SNAPC3: variants seen among roughly 807,000 people sequenced by gnomAD.
SNAPC3 encodes small nuclear RNA activating complex polypeptide 3.
Under a neutral mutation model 47.7 loss-of-function variants are expected in SNAPC3, and 56 were observed. The ratio of observed to expected loss-of-function variants is 1.18; its 90% CI spans 0.95 to 1.47. SNAPC3 has a LOEUF of 1.47. Among genes scored for constraint, SNAPC3 ranks in the 40% most tolerant of loss-of-function variants. SNAPC3 has a pLI of 0.00. For missense variants in SNAPC3, 665 were observed against 511.3 expected (o/e 1.30, Z -2.90); for synonymous variants, 235 against 189.9 (o/e 1.24, Z -1.95).
In SNAPC3 at chr9:15,460,479, C is replaced by T. The variant is rs1415317315; in HGVS notation, c.*613C>T. The T allele has an allele frequency of 6.6e-6, 1 of 152,294 alleles. No individual in the cohort carries two copies. Among genetic ancestry groups the T allele is most frequent in the Admixed American group, 6.5e-5 (1 of 15,290 alleles). 9.4% of individuals were successfully genotyped at this position (152,294 alleles called of 1,614,324 possible). A position where few individuals can be genotyped will look rare whatever the true frequency, so the allele number is the denominator to read the frequency against. ...AATCTCAGCTCACTGCAGCCTCCGC[C>T]TCCCGGATTCAAGTGATTCTCCTGC... On this transcript the variant is annotated 3_prime_UTR_variant, in exon 9 of 9. Transcript: ENST00000380821.
At chr9:15,465,420 C>G, downstream of SNAPC3, 1 of 1,087,584 alleles carries the variant, frequency 9.2e-7, no homozygotes, top group Non-Finnish European at 1.3e-6. Flanking sequence ...TTTTCAACAT[C>G]AAACCTATGC....
chr9:15,465,442 T>TAA, downstream of SNAPC3: 1 of 1,287,946 alleles, frequency 7.8e-7, no homozygotes, highest in East Asian at 2.4e-5. Flanking sequence ...TATAAAAATT[T>TAA]AAAACTTTCA....
intron 8 of SNAPC3, 64 bp downstream of exon 8, chr9:15,458,131 T>C (rs2131975614): frequency 1.2e-6 from 1 of 852,454 alleles, no homozygotes; most frequent in Non-Finnish European, 1.8e-6. Context: ...GGTATTTTGT[T>C]TTCCACTTTG....
downstream of SNAPC3, chr9:15,464,521 AACTAGTGTTTGTATTT>A (rs1314171850): frequency 1.5e-5 from 3 of 201,124 alleles, no homozygotes; most frequent in Non-Finnish European, 3.1e-5. Flanking sequence ...ATGCTGGAAC[AACTAGTGTTTGTATTT>A]TTGGAATCTA....
chr9:15,437,326 G>A (rs2032918675), intron 3 of SNAPC3, among the ~76,000 whole-genome samples: 2 of 151,804 alleles, frequency 1.3e-5, no homozygotes, highest in South Asian at 2.1e-4. Context: ...TCCGCCTCCC[G>A]GGTTCAAGTG....
downstream of SNAPC3, chr9:15,462,063 T>C (rs1362155903): frequency 1.3e-5 from 2 of 152,200 alleles, no homozygotes; most frequent in Non-Finnish European, 1.5e-5. Flanking sequence ...TACATGCATA[T>C]GCAAGGATAT....
chr9:15,453,615 T>C (rs2034559294), intron 7 of SNAPC3: 1 of 154,182 alleles, frequency 6.5e-6, no homozygotes, highest in Admixed American at 6.5e-5. Flanking sequence ...AATTCTAATA[T>C]TTGACAAATG....
chr9:15,436,815 C>T (rs2032847773), intron 3 of SNAPC3, among the ~76,000 whole-genome samples: 2 of 138,338 alleles, frequency 1.4e-5, no homozygotes, highest in Non-Finnish European at 3.0e-5. Flanking sequence ...TAATTTCTTA[C>T]AGCAGTTTTT....
chr9:15,454,326 C>T (rs767655957), intron 7 of SNAPC3, among the ~76,000 whole-genome samples: 1 of 152,058 alleles, frequency 6.6e-6, no homozygotes, highest in Non-Finnish European at 1.5e-5. Flanking sequence ...AATTTTGTAT[C>T]CCATGCACTC....
rs61737935 is a variant in SNAPC3 at position 15,447,241 on chromosome 9, C to T, written c.729C>T (p.Ser243=). 1,278 of 1,613,840 alleles carry T rather than the reference C, an allele frequency of 7.9e-4. 5 individuals are homozygous for T. The African/African-American group carries it at 0.016, about 20-fold the overall frequency. ...CTGACCAAGCCCCTGAGCACATCAG[C>T]AAAGTAAGGTGATTTCCTCCCATAA... is the stretch of plus-strand genomic sequence containing the variant. The part of the protein sequence containing the change: ...NTPDQAPEHI[S]KDLYKSAFFY... The change falls in exon 5 of 9, where the codon AGC becomes AGT. Residue 243 remains serine (S), a synonymous_variant. Transcript: ENST00000380821.
intron 4 of SNAPC3, among the ~76,000 whole-genome samples, chr9:15,446,032 C>T (rs545511986): frequency 6.6e-6 from 1 of 152,286 alleles, no homozygotes; most frequent in Middle Eastern, 3.4e-3. Flanking sequence ...CCTCAGGTTA[C>T]AGTATAGATT....
chr9:15,426,370 C>A (rs1289053744), intron 2 of SNAPC3, among the ~76,000 whole-genome samples: 2 of 152,150 alleles, frequency 1.3e-5, no homozygotes, highest in Non-Finnish European at 2.9e-5. Flanking sequence ...ATGTAGCACC[C>A]TATGCTTCCC....
chr9:15,458,318 G>A (rs1247848731), intron 8 of SNAPC3, among the ~76,000 whole-genome samples: 1 of 152,096 alleles, frequency 6.6e-6, no homozygotes, highest in Non-Finnish European at 1.5e-5. Flanking sequence ...ACAGCTAGGT[G>A]AATAAAAATA....
downstream of SNAPC3, among the ~76,000 whole-genome samples, chr9:15,466,266 C>G (rs1041474774): frequency 2.6e-5 from 4 of 151,954 alleles, no homozygotes; most frequent in African/African-American, 9.7e-5. Context: ...GTAATCCCAG[C>G]TACTTGGGAG....
At chr9:15,436,904 A>G (rs1254076500) in intron 3 of SNAPC3, among the ~76,000 whole-genome samples, 1 of 149,722 alleles carries the variant, frequency 6.7e-6, no homozygotes, top group African/African-American at 2.5e-5. Flanking sequence ...GCTCACCGCA[A>G]CCTTCGCCTC....
At chr9:15,432,583 C>T (rs1298222703) in intron 2 of SNAPC3, among the ~76,000 whole-genome samples, 1 of 151,982 alleles carries the variant, frequency 6.6e-6, no homozygotes, top group Non-Finnish European at 1.5e-5. Context: ...ACGGGAGCTC[C>T]TAATGATAAA....
chr9:15,442,032 C>T (rs1775537069), intron 3 of SNAPC3, among the ~76,000 whole-genome samples: 1 of 151,406 alleles, frequency 6.6e-6, no homozygotes, highest in African/African-American at 2.4e-5. Flanking sequence ...CGCTCCCCAC[C>T]TCCTGGATGG....
In SNAPC3 at chr9:15,459,957, G is replaced by C; in HGVS notation, c.*91G>C. 2.5e-6 allele frequency: 3 copies of C among 1,201,268 alleles called. No individual in the cohort carries two copies. The highest frequency in any genetic ancestry group is 1.2e-6 in the Non-Finnish European group (1 of 850,442). 74.4% of individuals were successfully genotyped at this position (1,201,268 alleles called of 1,614,324 possible). On this transcript the variant is annotated 3_prime_UTR_variant, in exon 9 of 9. Coordinates refer to ENST00000380821, the MANE Select transcript of SNAPC3 (RefSeq NM_001039697.2). Reference sequence around the variant, plus strand: ...TCTAAGAAACGCCACTGAGGAACAGGATCCACTTTGAACAGTCCGCTAAAG... The same window carrying C: ...TCTAAGAAACGCCACTGAGGAACAGCATCCACTTTGAACAGTCCGCTAAAG...
At chr9:15,449,563 ATTTTT>A (rs568645696) in intron 5 of SNAPC3, among the ~76,000 whole-genome samples, 1,325 of 38,914 alleles carry the variant, frequency 0.034, 9 homozygotes, top group East Asian at 0.055. Flanking sequence ...ATATATATAT[ATTTTT>A]TTTTTTTTTT....
Sources: gnomAD v4.1 joint callset for allele counts (sites outside exome capture counted in the v4.1 genomes callset) on GRCh38, gnomAD v4.1.1 for gene constraint, MANE v1.5 for transcripts, NCBI Gene and HGNC (gene_info 2026-07-23, HGNC 2026-07-21) for gene names.